Variants in CHST11 observed in about 807,000 individuals in gnomAD.
CHST11 encodes C4S-1.
Under a neutral mutation model 30.4 loss-of-function variants are expected in CHST11, and 9 were observed. The observed-to-expected ratio is 0.30, with a 90% CI of 0.18 to 0.52. The LOEUF (loss-of-function observed/expected upper bound fraction) is 0.52. CHST11 is among the 20% of genes least tolerant of loss of function. The probability of loss-of-function intolerance (pLI) is 0.97; values close to 1 mark genes in which losing one functional copy is unlikely to be tolerated. For synonymous variants in CHST11, 152 were observed against 187.8 expected (o/e 0.81, Z 1.56); for missense variants, 348 against 460.6 (o/e 0.76, Z 2.24).
intron 2 of CHST11, among the ~76,000 whole-genome samples, chr12:104,643,504 A>G (rs1007025568): frequency 6.6e-6 from 1 of 152,178 alleles, no homozygotes; most frequent in South Asian, 2.1e-4. Flanking sequence ...GCAGTGTGCC[A>G]CTGTAGTGGG....
chr12:104,613,372 G>A (rs1389451549), intron 2 of CHST11, among the ~76,000 whole-genome samples: 1 of 152,170 alleles, frequency 6.6e-6, no homozygotes, highest in Non-Finnish European at 1.5e-5. Context: ...GTTACAACAT[G>A]GGTGAACCTG....
At chr12:104,688,656 C>T (rs2039870198) in intron 2 of CHST11, among the ~76,000 whole-genome samples, 1 of 152,110 alleles carries the variant, frequency 6.6e-6, no homozygotes, top group African/African-American at 2.4e-5. Flanking sequence ...TGTTAAGGAT[C>T]CTTAAGGATG....
intron 2 of CHST11, among the ~76,000 whole-genome samples, chr12:104,695,286 C>G (rs928115138): frequency 1.3e-5 from 2 of 152,164 alleles, no homozygotes; most frequent in African/African-American, 4.8e-5. Flanking sequence ...CTCAGCTCAG[C>G]CCCCTCCAAG....
intron 1 of CHST11, among the ~76,000 whole-genome samples, chr12:104,583,076 T>G (rs1347875872): frequency 6.6e-6 from 1 of 152,124 alleles, no homozygotes; most frequent in Non-Finnish European, 1.5e-5. Flanking sequence ...AATATCTAAG[T>G]GCGGCCACAT....
intron 1 of CHST11, among the ~76,000 whole-genome samples, chr12:104,474,025 G>A (rs2135956074): frequency 6.6e-6 from 1 of 152,186 alleles, no homozygotes; most frequent in African/African-American, 2.4e-5. Flanking sequence ...CAGATATGCA[G>A]CGTGTTTTAA....
intron 1 of CHST11, among the ~76,000 whole-genome samples, chr12:104,560,518 T>C (rs1197120450): frequency 1.3e-5 from 2 of 152,086 alleles, no homozygotes; most frequent in Non-Finnish European, 2.9e-5. Flanking sequence ...CATCTTGAGA[T>C]AGGGGTGGGA....
chr12:104,627,598 T>C (rs1015269077), intron 2 of CHST11, among the ~76,000 whole-genome samples: 1 of 152,186 alleles, frequency 6.6e-6, no homozygotes, highest in Non-Finnish European at 1.5e-5. Context: ...AATTACTAAG[T>C]GTTCCTTAGC....
At chr12:104,492,837 G>A (rs1338274579) in intron 1 of CHST11, among the ~76,000 whole-genome samples, 7 of 152,160 alleles carry the variant, frequency 4.6e-5, no homozygotes, top group Non-Finnish European at 1.0e-4. Context: ...TTTGAGACCA[G>A]CCTGACCAAC....
At chr12:104,747,254 A>T (rs564835320) in intron 2 of CHST11, among the ~76,000 whole-genome samples, 1 of 152,330 alleles carries the variant, frequency 6.6e-6, no homozygotes, top group African/African-American at 2.4e-5. Context: ...AGGCTGCACC[A>T]TGCAGGGTCT....
chr12:104,457,430 G>C lies in CHST11; in HGVS notation c.19G>C (p.Glu7Gln). 6.2e-7 allele frequency: 1 copy of C among 1,614,006 alleles called. No individual in the cohort carries two copies. The highest frequency in any genetic ancestry group is 8.5e-7 in the Non-Finnish European group (1 of 1,179,836). Residue 7 changes from glutamate (E) to glutamine (Q), a missense_variant, in exon 1 of 3, where the codon GAA becomes CAA. Physicochemically the swap from Glu to Gln is conservative, Grantham distance 29. Coordinates refer to ENST00000303694, the MANE Select transcript of CHST11 (RefSeq NM_018413.6). ...CAAAGCCATGAAGCCAGCGCTGCTG[G>C]AAGTGATGAGGATGAACAGAATCTG... MKPALL[E>Q]VMRMNRICRM...
At chr12:104,541,612 G>A (rs2038288098) in intron 1 of CHST11, among the ~76,000 whole-genome samples, 1 of 152,116 alleles carries the variant, frequency 6.6e-6, no homozygotes, top group Non-Finnish European at 1.5e-5. Context: ...CCCCTGTTGG[G>A]CATAGGATAT....
chr12:104,748,492 T>TGGTG lies in CHST11; in HGVS notation c.205-8456_205-8453dup, dbSNP rs1473694627. ...GAGTGGGGCCCTGATCCAGTCTGAC[T>TGGTG]GGTGTCCTTATTAGAGGCAGAGACA... On this transcript the variant is annotated intron_variant, in intron 2 of 2. Coordinates refer to ENST00000303694, the MANE Select transcript of CHST11 (RefSeq NM_018413.6). Among the ~76,000 whole-genome samples the TGGTG allele has an allele frequency of 2.0e-5, 3 of 150,852 alleles. No individual in the cohort carries two copies. In the East Asian group the frequency reaches 5.9e-4, roughly 29 times the overall value.
intron 2 of CHST11, among the ~76,000 whole-genome samples, chr12:104,625,505 A>G (rs2039205335): frequency 6.6e-6 from 1 of 152,138 alleles, no homozygotes; most frequent in Non-Finnish European, 1.5e-5. Context: ...GGGTTTCACC[A>G]TGTTGGCCAG....
chr12:104,750,133 A>G (rs2040417574), intron 2 of CHST11, among the ~76,000 whole-genome samples: 1 of 152,010 alleles, frequency 6.6e-6, no homozygotes, highest in South Asian at 2.1e-4. Flanking sequence ...TGAGCAGAAA[A>G]GGAAAATATA....
At chr12:104,508,357 C>A (rs1469729071) in intron 1 of CHST11, among the ~76,000 whole-genome samples, 1 of 152,208 alleles carries the variant, frequency 6.6e-6, no homozygotes, top group Non-Finnish European at 1.5e-5. Flanking sequence ...AGTATCGTAA[C>A]CTTCTTCCTT....
At chr12:104,629,000 G>A (rs1321630606) in intron 2 of CHST11, among the ~76,000 whole-genome samples, 1 of 152,204 alleles carries the variant, frequency 6.6e-6, no homozygotes, top group Non-Finnish European at 1.5e-5. Context: ...GGGAGCCTCA[G>A]GGTGAGGATA....
chr12:104,461,337 C>A (rs1339232584), intron 1 of CHST11, among the ~76,000 whole-genome samples: 5 of 152,170 alleles, frequency 3.3e-5, no homozygotes, highest in African/African-American at 1.2e-4. Flanking sequence ...GTGAACTATT[C>A]CTAAAGCTAG....
At chr12:104,733,633 G>A (rs2040274267) in intron 2 of CHST11, among the ~76,000 whole-genome samples, 1 of 152,198 alleles carries the variant, frequency 6.6e-6, no homozygotes, top group African/African-American at 2.4e-5. Flanking sequence ...AAAAGTAATG[G>A]TAAAACTGCA....
In CHST11 at chr12:104,685,132, T is replaced by C. The variant is rs150727692; in HGVS notation, c.205-71817T>C. Among the ~76,000 whole-genome samples, 12 of 152,328 alleles carry C rather than the reference T, an allele frequency of 7.9e-5. No individual in the cohort carries two copies. In the East Asian group the frequency reaches 2.3e-3, roughly 29 times the overall value. ...TATTTGGTTATCTTATCCATCCAGA[T>C]GGTTAGCATTAATTTATGCTGAAGT... On this transcript the variant is annotated intron_variant, in intron 2 of 2. Transcript: ENST00000303694.
Sources: allele counts gnomAD v4.1 joint callset (sites outside exome capture counted in the v4.1 genomes callset), GRCh38; gene constraint gnomAD v4.1.1; transcripts MANE v1.5; gene names NCBI Gene and HGNC (gene_info 2026-07-23, HGNC 2026-07-21).